The following CRAT variants were observed in gnomAD, a reference collection of about 807,000 sequenced individuals.
CRAT encodes the protein carnitine acetylase.
In CRAT, 66 loss-of-function variants were observed where a neutral mutation model predicts 73.7. The observed-to-expected ratio is 0.90, with a 90% CI of 0.73 to 1.10. The LOEUF is 1.10. Among genes scored for constraint, CRAT ranks in the 50% least tolerant of loss-of-function variants. CRAT has a pLI of 0.00. For synonymous variants in CRAT, 321 were observed against 343.2 expected (o/e 0.94, Z 0.71); for missense variants, 745 against 846.9 (o/e 0.88, Z 1.49).
At chr9:129,097,720 GA>G (rs893630471) in intron 11 of CRAT, 54 of 393,898 alleles carry the variant, frequency 1.4e-4, no homozygotes, top group Middle Eastern at 1.4e-3. Context: ...AAAAAAACAA[GA>G]AAAAAAAAGA....
intron 1 of CRAT, chr9:129,109,000 C>T: frequency 8.1e-7 from 1 of 1,229,070 alleles, no homozygotes; most frequent in South Asian, 1.4e-5. Flanking sequence ...GCAGGGGAAG[C>T]TCCTGGACTC....
At chr9:129,105,331 CTT>C (rs960539230) in intron 2 of CRAT, among the ~76,000 whole-genome samples, 1 of 151,314 alleles carries the variant, frequency 6.6e-6, no homozygotes, top group South Asian at 2.1e-4. Flanking sequence ...CAATGAGTGA[CTT>C]TTTTTTTGAG....
intron 1 of CRAT, chr9:129,108,613 T>A (rs2131499232): frequency 1.8e-6 from 2 of 1,112,172 alleles, no homozygotes; most frequent in South Asian, 1.5e-5. Context: ...GGCAGTGCTG[T>A]GGCGAGAGAG....
In CRAT at chr9:129,096,015, G is replaced by A. The variant is rs1847258559; in HGVS notation, c.1648C>T (p.His550Tyr). The A allele has an allele frequency of 1.9e-6, 3 of 1,613,896 alleles. No individual in the cohort carries two copies. Among genetic ancestry groups the A allele is most frequent in the African/African-American group, 2.7e-5 (2 of 74,932 alleles). ...TGGCCCACCTGGCTGGTGGAGAGGT[G>A]GAAGTGCATGGCGATGGCGTAGGAG... ...DTSYAIAMHF[H>Y]LSTSQVPAKT... is the part of the protein sequence containing the mutation. Residue 550 changes from histidine (H) to tyrosine (Y), a missense_variant, in exon 13 of 14, where the codon CAC becomes TAC. Transcript: ENST00000318080.
At position 129,098,104 on chromosome 9, in the gene CRAT, C is replaced by T. The variant is rs143682956; in HGVS notation, c.1373G>A (p.Arg458His). Residue 458 changes from arginine (R) to histidine (H), a missense_variant, in exon 11 of 14, where the codon CGC becomes CAC. Physicochemically the swap from Arg to His is conservative, Grantham distance 29. Transcript: ENST00000318080. The part of the protein sequence containing the change: ...ACATYESASL[R>H]MFHLGRTDTI... Reference sequence around the variant, plus strand: ...GTCGGTGCGGCCCAGGTGAAACATGCGCAGGGAGGCACTTTCATAGGTGGC... The same window carrying T: ...GTCGGTGCGGCCCAGGTGAAACATGTGCAGGGAGGCACTTTCATAGGTGGC... The T allele has an allele frequency of 1.1e-5, 18 of 1,613,870 alleles. No homozygotes were observed. The highest frequency in any genetic ancestry group is 2.7e-5 in the African/African-American group (2 of 74,942).
chr9:129,100,417 T>C (rs1847585793), intron 7 of CRAT, 94 bp downstream of exon 7: 3 of 1,305,264 alleles, frequency 2.3e-6, no homozygotes, highest in Admixed American at 5.9e-5. Flanking sequence ...GCTAGGAGGC[T>C]GGGGACGCAG....
rs897941776 is a variant in CRAT at position 129,102,580 on chromosome 9, G to A, written c.465-15C>T. 1.2e-6 allele frequency: 2 copies of A among 1,613,318 alleles called. No homozygotes were observed. The highest frequency in any genetic ancestry group is 1.7e-6 in the Non-Finnish European group (2 of 1,179,460). ...GCAGGGTCTCGCTATGGGGTAGAGGGGCAGTGAGGCCACCACTGGGCAAGT... is the reference window on the plus strand; with the variant it reads ...GCAGGGTCTCGCTATGGGGTAGAGGAGCAGTGAGGCCACCACTGGGCAAGT... On this transcript the variant is annotated splice_polypyrimidine_tract_variant and intron_variant, in intron 4 of 13. Transcript: ENST00000318080.
rs148682033 is a variant in CRAT, at chr9:129,098,032, A to G, written c.1445T>C (p.Met482Thr). 12 of 1,613,816 alleles carry G rather than the reference A, an allele frequency of 7.4e-6. No individual in the cohort carries two copies. The highest frequency in any genetic ancestry group is 1.0e-5 in the Non-Finnish European group (12 of 1,180,036). The change falls in exon 11 of 14, where the codon ATG becomes ACG. Residue 482 changes from methionine (M) to threonine (T), a missense_variant. Met to Thr is a moderately conservative substitution (Grantham distance 81). Coordinates refer to ENST00000318080, the MANE Select transcript of CRAT (RefSeq NM_000755.5). ...SMDSLTFVKA[M>T]DDSSVTEHQK... ...TCTCACCGTGACGCTGGAGTCATCC[A>G]TGGCCTTGACAAAGGTGAGTGAGTC...
At chr9:129,105,784 C>A (rs1341389995) in intron 2 of CRAT, among the ~76,000 whole-genome samples, 1 of 152,136 alleles carries the variant, frequency 6.6e-6, no homozygotes. Flanking sequence ...AAGGATGAAT[C>A]CTTATGCTAG....
At chr9:129,105,441 C>G (rs1847957725) in intron 2 of CRAT, among the ~76,000 whole-genome samples, 1 of 152,140 alleles carries the variant, frequency 6.6e-6, no homozygotes, top group Non-Finnish European at 1.5e-5. Flanking sequence ...TTGCCTCAGC[C>G]TCTTGAGTAG....
At chr9:129,108,870 G>A in intron 1 of CRAT, 1 of 1,302,582 alleles carries the variant, frequency 7.7e-7, no homozygotes, top group Non-Finnish European at 1.0e-6. Context: ...AAGTGAGTGA[G>A]CAGAACCTAG....
intron 7 of CRAT, 93 bp from the exon 8 acceptor site, chr9:129,100,059 G>C (rs1279419515): frequency 2.2e-6 from 2 of 922,336 alleles, no homozygotes; most frequent in African/African-American, 1.6e-5. Flanking sequence ...GGGCCTCTCT[G>C]AAGCCATCTC....
intron 1 of CRAT, chr9:129,109,156 A>C (rs2541162): frequency 1 from 1,303,076 of 1,304,054 alleles, 651,059 homozygotes; most frequent in East Asian, 1. Flanking sequence ...GGGAGTCAGG[A>C]CAAAAGGTAA....
chr9:129,098,503 C>T (rs781461869), intron 9 of CRAT, 28 bp downstream of exon 9: 25 of 1,600,816 alleles, frequency 1.6e-5, no homozygotes, highest in Non-Finnish European at 2.0e-5. Flanking sequence ...ACCCATCCAG[C>T]ACAGGGATGG....
Position 129,106,741 on chromosome 9 carries a change from C to T in CRAT, c.291+1073G>A, listed in dbSNP as rs1380409532. 1.3e-5 allele frequency among the ~76,000 whole-genome samples: 2 copies of T among 152,172 alleles called. No individual in the cohort carries two copies. The highest frequency in any genetic ancestry group is 6.5e-5 in the Admixed American group (1 of 15,280). On this transcript the variant is annotated intron_variant, in intron 2 of 13. Coordinates refer to ENST00000318080, the MANE Select transcript of CRAT (RefSeq NM_000755.5). This position sits in a 1 kb window ranked among gnomAD's most constrained non-coding sequence, Gnocchi z 4.0. ...TCCGCCAAGCCCCAGGGCTAGAGCT[C>T]TACCTCCCCTCCCCATGGCACCCCC...
chr9:129,096,350 G>T (rs750742763), intron 12 of CRAT, among the ~76,000 whole-genome samples: 1 of 152,272 alleles, frequency 6.6e-6, no homozygotes, highest in African/African-American at 2.4e-5. Flanking sequence ...GGAAAGTGCA[G>T]GGTTGTAGGG....
chr9:129,106,090 C>G lies in CRAT; in HGVS notation c.291+1724G>C, dbSNP rs1847996347. ...GCAGGATGCGCCTCTTCATCACACGCACTCCCCTGCAGCACTGGGCCACTA... is the reference window on the plus strand; with the variant it reads ...GCAGGATGCGCCTCTTCATCACACGGACTCCCCTGCAGCACTGGGCCACTA... On this transcript the variant is annotated intron_variant, in intron 2 of 13. Transcript: ENST00000318080. This position sits in a 1 kb window ranked among gnomAD's most constrained non-coding sequence, Gnocchi z 4.0. Among the ~76,000 whole-genome samples the G allele has an allele frequency of 6.6e-6, 1 of 152,164 alleles. No individual in the cohort carries two copies. The highest frequency in any genetic ancestry group is 2.4e-5 in the African/African-American group (1 of 41,426).
At chr9:129,097,067 C>CA (rs796548320) in intron 12 of CRAT, among the ~76,000 whole-genome samples, 183 bp downstream of exon 12, 127 of 113,218 alleles carry the variant, frequency 1.1e-3, no homozygotes, top group Non-Finnish European at 1.6e-3. Flanking sequence ...GACTCCATCT[C>CA]AAAAAAAAAA....
At position 129,107,909 on chromosome 9, in the gene CRAT, T is replaced by C; in HGVS notation, c.196A>G (p.Thr66Ala). Residue 66 changes from threonine to alanine, a missense_variant, in exon 2 of 14, where the codon ACC becomes GCC. Coordinates refer to ENST00000318080, the MANE Select transcript of CRAT (RefSeq NM_000755.5). The surrounding 1 kb of genome is among the most constrained non-coding windows in gnomAD (Gnocchi z 5.0). ...PIVSEEEWAH[T>A]KQLVDEFQAS... ...TGAAACTCATCCACCAGCTGCTTGG[T>C]GTGGGCCCACTCCTCCTCACTCACG... 6.2e-7 allele frequency: 1 copy of C among 1,611,140 alleles called. No homozygotes were observed. Among genetic ancestry groups the C allele is most frequent in the Non-Finnish European group, 8.5e-7 (1 of 1,179,888 alleles).
Sources: allele counts gnomAD v4.1 joint callset (sites outside exome capture counted in the v4.1 genomes callset), GRCh38; gene constraint gnomAD v4.1.1; non-coding constraint Gnocchi (gnomAD v3.1); transcripts MANE v1.5; gene names NCBI Gene and HGNC (gene_info 2026-07-23, HGNC 2026-07-21).